The following RBFOX3 variants were observed in gnomAD, a reference collection of about 807,000 sequenced individuals.
The protein encoded by RBFOX3 is RNA binding fox-1 homolog 3.
In RBFOX3, 17 loss-of-function variants were observed where a neutral mutation model predicts 48.7. That is an observed-to-expected ratio of 0.35 (90% CI 0.24 to 0.52). The LOEUF (loss-of-function observed/expected upper bound fraction) is 0.52, where lower values mean the gene tolerates loss of function less well. RBFOX3 is among the 20% of genes least tolerant of loss of function. The probability of loss-of-function intolerance (pLI) is 0.94; values close to 1 mark genes in which losing one functional copy is unlikely to be tolerated. For missense variants in RBFOX3, 382 were observed against 497.5 expected (o/e 0.77, Z 2.21); for synonymous variants, 212 against 209.5 (o/e 1.01, Z -0.10).
chr17:79,445,194 T>C (rs1320300698), intron 2 of RBFOX3, among the ~76,000 whole-genome samples: 1 of 152,242 alleles, frequency 6.6e-6, no homozygotes, highest in Non-Finnish European at 1.5e-5. Flanking sequence ...CTACTGTGAA[T>C]GGCGCTGCTG....
intron 2 of RBFOX3, among the ~76,000 whole-genome samples, chr17:79,404,450 A>G (rs60189987): frequency 0.076 from 11,616 of 152,330 alleles, 442 homozygotes; most frequent in African/African-American, 0.092. Flanking sequence ...ACTCTGCTGC[A>G]AAGCCCTCTG....
chr17:79,395,330 T>C (rs2061858158), intron 2 of RBFOX3, among the ~76,000 whole-genome samples: 1 of 152,226 alleles, frequency 6.6e-6, no homozygotes, highest in African/African-American at 2.4e-5. Context: ...ATTCCACACC[T>C]GGACTGAGCA....
chr17:79,437,803 C>A (rs1037879270), intron 2 of RBFOX3, among the ~76,000 whole-genome samples: 5 of 152,278 alleles, frequency 3.3e-5, no homozygotes, highest in African/African-American at 2.4e-5. Flanking sequence ...TCCTGCCTGA[C>A]TGCTCTGCCC....
At chr17:79,329,353 C>T (rs1436254751) in intron 2 of RBFOX3, among the ~76,000 whole-genome samples, 1 of 152,258 alleles carries the variant, frequency 6.6e-6, no homozygotes, top group South Asian at 2.1e-4. Context: ...GGGCTCTTCA[C>T]CCAAACCTGT....
chr17:79,463,971 A>T (rs1417727023), intron 2 of RBFOX3, among the ~76,000 whole-genome samples: 4 of 151,604 alleles, frequency 2.6e-5, no homozygotes, highest in Non-Finnish European at 5.9e-5. Flanking sequence ...CACCATCGCC[A>T]CTGCCACTGC....
At chr17:79,187,048 C>G (rs144457328) in intron 4 of RBFOX3, among the ~76,000 whole-genome samples, 1 of 152,370 alleles carries the variant, frequency 6.6e-6, no homozygotes, top group African/African-American at 2.4e-5. Flanking sequence ...AATGGACACA[C>G]AGGATTCTCC....
At chr17:79,556,294 C>A (rs1398276330) in intron 1 of RBFOX3, among the ~76,000 whole-genome samples, 1 of 152,162 alleles carries the variant, frequency 6.6e-6, no homozygotes, top group Non-Finnish European at 1.5e-5. Context: ...GTCCTGGGAA[C>A]CCAAAGAAAT....
chr17:79,126,125 G>A (rs1264158366), intron 4 of RBFOX3, among the ~76,000 whole-genome samples: 2 of 152,202 alleles, frequency 1.3e-5, no homozygotes, highest in Admixed American at 6.5e-5. Context: ...CCCTCCCCAC[G>A]ATCTGGGACA....
chr17:79,633,975 T>C, the RBFOX3 span, among the ~76,000 whole-genome samples: 3 of 152,196 alleles, frequency 2.0e-5, no homozygotes, highest in Non-Finnish European at 4.4e-5. Context: ...CCCTCTAAAA[T>C]AACCCATTAA....
intron 14 of RBFOX3, 143 bp from the exon 15 acceptor site, chr17:79,091,028 C>T (rs1321383202): frequency 4.8e-6 from 4 of 831,644 alleles, no homozygotes; most frequent in African/African-American, 1.7e-5. Flanking sequence ...CCAGGACCCT[C>T]ATCTTCCAGG....
In RBFOX3 at chr17:79,274,857, C is replaced by T. The variant is rs909691530; in HGVS notation, c.-74+32867G>A. Among the ~76,000 whole-genome samples the T allele has an allele frequency of 2.6e-5, 4 of 152,048 alleles. 1 individual carries two copies. Among genetic ancestry groups the T allele is most frequent in the Non-Finnish European group, 4.4e-5 (3 of 67,976 alleles). ...ACAATCCAACCAGCAAGCCTCTCAG[C>T]CCTGCCTCCAAAACCAACCCCAAAT... On this transcript the variant is annotated intron_variant, in intron 3 of 14. Transcript: ENST00000693108.
chr17:79,476,053 C>T (rs1482026657), intron 2 of RBFOX3, among the ~76,000 whole-genome samples: 1 of 152,234 alleles, frequency 6.6e-6, no homozygotes, highest in Non-Finnish European at 1.5e-5. Context: ...CTGGGGGCTG[C>T]ACCTGACACC....
At chr17:79,105,768 G>A (rs2077241086) in intron 6 of RBFOX3, among the ~76,000 whole-genome samples, 1 of 152,200 alleles carries the variant, frequency 6.6e-6, no homozygotes, top group Non-Finnish European at 1.5e-5. Context: ...GCGCAGCAGA[G>A]GTGGGGTGGG....
chr17:79,150,812 A>C (rs2044251132), intron 4 of RBFOX3, among the ~76,000 whole-genome samples: 1 of 152,098 alleles, frequency 6.6e-6, no homozygotes, highest in African/African-American at 2.4e-5. Flanking sequence ...GGTGCCTCTG[A>C]CTGGCCATGG....
rs574460076 is a variant in RBFOX3, at chr17:79,226,344, C to G, written c.-34+9422G>C. The stretch of plus-strand genomic sequence containing the variant: ...TGGGCTTTAACCGTATTAGCGTCAC[C>G]CCAACAGCACATTCCCTGGATAGGA... On this transcript the variant is annotated intron_variant, in intron 4 of 14. Transcript: ENST00000693108. Among the ~76,000 whole-genome samples the G allele has an allele frequency of 6.6e-5, 10 of 152,296 alleles. No homozygotes were observed. The South Asian group carries it at 2.1e-3, about 32-fold the overall frequency.
rs1265859739 is a variant in RBFOX3, at chr17:79,104,055, G to T, written c.414+18C>A. Reference sequence around the variant, plus strand: ...CTACAGCCGGCGCTGTAAGGCGGCAGCTCCGTGCGGCACCCACCTTGGAGC... The same window carrying T: ...CTACAGCCGGCGCTGTAAGGCGGCATCTCCGTGCGGCACCCACCTTGGAGC... On this transcript the variant is annotated intron_variant, in intron 7 of 14. Coordinates refer to ENST00000693108, the MANE Select transcript of RBFOX3 (RefSeq NM_001350451.2). 6.5e-7 allele frequency: 1 copy of T among 1,549,082 alleles called. No individual in the cohort carries two copies. The highest frequency in any genetic ancestry group is 2.4e-5 in the East Asian group (1 of 40,912).
intron 4 of RBFOX3, among the ~76,000 whole-genome samples, chr17:79,170,113 AGGAAGGAAGGAAGGAAGGAGGAAGGAG>A (rs1048363217): frequency 5.6e-5 from 8 of 142,306 alleles, no homozygotes; most frequent in Admixed American, 1.4e-4. Flanking sequence ...GGAAAGGAGG[AGGAAGGAAGGAAGGAAGGAGGAAGGAG>A]GGAAGGAAGG....
chr17:79,145,850 G>C (rs2042929151), intron 4 of RBFOX3, among the ~76,000 whole-genome samples: 1 of 152,174 alleles, frequency 6.6e-6, no homozygotes, highest in Non-Finnish European at 1.5e-5. Context: ...GGGTAGGTCA[G>C]CGTCTCCAAC....
At chr17:79,367,626 G>A (rs1260199982) in intron 2 of RBFOX3, among the ~76,000 whole-genome samples, 3 of 152,132 alleles carry the variant, frequency 2.0e-5, no homozygotes, top group Admixed American at 6.5e-5. Flanking sequence ...CCAGTAACTT[G>A]AAAATATTTC....
Sources: gnomAD v4.1 joint callset for allele counts (sites outside exome capture counted in the v4.1 genomes callset) on GRCh38, gnomAD v4.1.1 for gene constraint, MANE v1.5 for transcripts, NCBI Gene and HGNC (gene_info 2026-07-23, HGNC 2026-07-21) for gene names.